The following OXNAD1 variants were observed in gnomAD, a reference collection of about 807,000 sequenced individuals.
OXNAD1 encodes oxidoreductase NAD-binding domain-containing protein 1.
OXNAD1 carries 34 observed loss-of-function variants against 32.9 expected under a neutral mutation model. That is an observed-to-expected ratio of 1.03 (90% CI 0.79 to 1.38). The LOEUF (loss-of-function observed/expected upper bound fraction) is 1.38. OXNAD1 is among the 40% of genes most tolerant of loss of function. OXNAD1 has a pLI of 0.00. For missense variants in OXNAD1, 407 were observed against 379.4 expected, an observed-to-expected ratio of 1.07 and a Z score of -0.60; for synonymous variants, 134 against 135.2, an observed-to-expected ratio of 0.99 and a Z score of 0.06.
downstream of OXNAD1, among the ~76,000 whole-genome samples, chr3:16,308,576 T>A (rs2125117677): frequency 6.6e-6 from 1 of 152,356 alleles, no homozygotes; most frequent in South Asian, 2.1e-4. The surrounding 1 kb of genome is among the most constrained non-coding windows in gnomAD (Gnocchi z 4.4). Flanking sequence ...TCAAAAGAAG[T>A]ATACTGTTCT....
downstream of OXNAD1, among the ~76,000 whole-genome samples, chr3:16,338,976 G>A (rs2071116372): frequency 6.6e-6 from 1 of 152,118 alleles, no homozygotes; most frequent in Admixed American, 6.5e-5. This position sits in a 1 kb window ranked among gnomAD's most constrained non-coding sequence, Gnocchi z 5.3. Context: ...ACCCAGAAGA[G>A]GTCTCTGAAT....
intron 9 of OXNAD1, among the ~76,000 whole-genome samples, chr3:16,332,564 G>A (rs375045993): frequency 1.2e-4 from 19 of 152,020 alleles, no homozygotes; most frequent in African/African-American, 4.3e-4. Context: ...ACCACGCCAC[G>A]TTAGGATTTT....
At chr3:16,285,767 A>G (rs991328084) in intron 4 of OXNAD1, among the ~76,000 whole-genome samples, 1 of 152,260 alleles carries the variant, frequency 6.6e-6, no homozygotes, top group African/African-American at 2.4e-5. Context: ...AAAATTAATT[A>G]AAAACAAAGA....
intron 4 of OXNAD1, among the ~76,000 whole-genome samples, chr3:16,282,045 T>A: frequency 7.4e-6 from 1 of 135,438 alleles, no homozygotes; most frequent in Non-Finnish European, 1.7e-5. Flanking sequence ...TAATTTTTTT[T>A]TTTTTTTTTT....
intron 4 of OXNAD1, among the ~76,000 whole-genome samples, chr3:16,286,015 G>A (rs185029016): frequency 6.6e-6 from 1 of 152,248 alleles, no homozygotes; most frequent in African/African-American, 2.4e-5. Flanking sequence ...AATTCCCTGA[G>A]CTCTTCCCAG....
At position 16,301,755 on chromosome 3, in the gene OXNAD1, C is replaced by T. The variant is rs571163653; in HGVS notation, c.562C>T (p.Leu188=). The T allele has an allele frequency of 6.2e-7, 1 of 1,614,056 alleles. No individual in the cohort carries two copies. The part of the protein sequence containing the change: ...GVGINPLLSI[L]RHAADLLREQ... ...CGGAATTAACCCTCTGCTTTCCATC[C>T]TGCGGCACGCAGCAGATCTCCTCAG... Residue 188 remains leucine (L), a synonymous_variant, in exon 7 of 9, where the codon CTG becomes TTG. Coordinates refer to ENST00000285083, the MANE Select transcript of OXNAD1 (RefSeq NM_138381.5). The surrounding 1 kb of genome is among the most constrained non-coding windows in gnomAD (Gnocchi z 4.1).
chr3:16,307,962 T>C (rs2067686223), downstream of OXNAD1, among the ~76,000 whole-genome samples: 1 of 152,170 alleles, frequency 6.6e-6, no homozygotes, highest in Admixed American at 6.5e-5. Context: ...TGAAAAACCA[T>C]GGAAGAGTAA....
In OXNAD1 at chr3:16,321,294, T is replaced by C. The variant is rs772990213; in HGVS notation, c.*31-15818T>C. On this transcript the variant is annotated intron_variant, in intron 9 of 9. Transcript: ENST00000435829. The surrounding 1 kb of genome is among the most constrained non-coding windows in gnomAD (Gnocchi z 4.8). ...CACAGAGGTGGTGAAGGAGATTTTC[T>C]AAGGAAGAGGCAAGAGTGAAGGGAG... is the stretch of plus-strand genomic sequence containing the variant. Among the ~76,000 whole-genome samples, 1 of 152,124 alleles carries C rather than the reference T, an allele frequency of 6.6e-6. No homozygotes were observed. Among genetic ancestry groups the C allele is most frequent in the Non-Finnish European group, 1.5e-5 (1 of 68,014 alleles).
intron 5 of OXNAD1, among the ~76,000 whole-genome samples, chr3:16,292,260 C>T (rs1321866542): frequency 6.7e-6 from 1 of 149,768 alleles, no homozygotes; most frequent in Non-Finnish European, 1.5e-5. Flanking sequence ...GGCACGATCT[C>T]GATTCAGTGC....
In OXNAD1 at chr3:16,276,220, G is replaced by A. The variant is rs138266793; in HGVS notation, c.183+4498G>A. The A allele has an allele frequency of 1.6e-4, 36 of 231,078 alleles. No homozygotes were observed. In the East Asian group the frequency reaches 3.0e-3, roughly 19 times the overall value. 14.3% of individuals were successfully genotyped at this position (231,078 alleles called of 1,614,324 possible). On this transcript the variant is annotated intron_variant, in intron 4 of 8. Transcript: ENST00000285083. ...CAAGGCAGATGAATCAAGTAATTGC[G>A]TGTTCAGGGAGCACATCTGTGTTAA...
intron 4 of OXNAD1, among the ~76,000 whole-genome samples, chr3:16,281,087 G>T (rs761032086): frequency 6.6e-6 from 1 of 152,178 alleles, no homozygotes; most frequent in African/African-American, 2.4e-5. Context: ...ACAATTACAG[G>T]TCCTAATTAT....
intron 9 of OXNAD1, chr3:16,347,542 TCTCTA>T (rs1166071715): frequency 6.6e-6 from 1 of 152,216 alleles, no homozygotes; most frequent in African/African-American, 2.4e-5. Flanking sequence ...CATTTTCAAC[TCTCTA>T]CTCTGCCTTC....
At position 16,299,731 on chromosome 3, in the gene OXNAD1, C is replaced by T. The variant is rs1271992239; in HGVS notation, c.433-1895C>T. On this transcript the variant is annotated intron_variant, in intron 6 of 8. Transcript: ENST00000285083. The surrounding 1 kb of genome is among the most constrained non-coding windows in gnomAD (Gnocchi z 4.4). ...TCAAAAAGCACGCGATGTGTTATTA[C>T]TTCTTAGGAGGGCATTCATTTAGTT... 6.6e-6 allele frequency among the ~76,000 whole-genome samples: 1 copy of T among 152,220 alleles called. No homozygotes were observed. Among genetic ancestry groups the T allele is most frequent in the Admixed American group, 6.5e-5 (1 of 15,286 alleles).
intron 9 of OXNAD1, among the ~76,000 whole-genome samples, chr3:16,324,837 C>T (rs1326821727): frequency 2.0e-5 from 3 of 151,952 alleles, no homozygotes; most frequent in Non-Finnish European, 2.9e-5. Context: ...TGGATATATA[C>T]CTAGAAGTGG....
intron 6 of OXNAD1, among the ~76,000 whole-genome samples, chr3:16,300,975 C>T (rs572692433): frequency 2.6e-5 from 4 of 152,280 alleles, no homozygotes; most frequent in African/African-American, 7.2e-5. Flanking sequence ...GATGGTATTA[C>T]GGGCATAAGT....
Position 16,277,085 on chromosome 3 carries a change from C to T in OXNAD1, c.183+5363C>T, listed in dbSNP as rs1297627186. ...GATTACAGGCGCCTGCCACCATGCC[C>T]GGCTAACTTTTTTTTGTATTTTTAG... On this transcript the variant is annotated intron_variant, in intron 4 of 8. Coordinates refer to ENST00000285083, the MANE Select transcript of OXNAD1 (RefSeq NM_138381.5). This position sits in a 1 kb window ranked among gnomAD's most constrained non-coding sequence, Gnocchi z 4.3. Among the ~76,000 whole-genome samples the T allele has an allele frequency of 1.3e-5, 2 of 151,904 alleles. No individual in the cohort carries two copies. Among genetic ancestry groups the T allele is most frequent in the Non-Finnish European group, 2.9e-5 (2 of 67,964 alleles).
rs1485495267 is a variant in OXNAD1 at position 16,327,916 on chromosome 3, G to A, written c.*31-9196G>A. ...CGGGTTCCTCACTAACACTCAAAGT[G>A]TAGCCCCCACCCCTGCTCTGTGTGT... On this transcript the variant is annotated intron_variant, in intron 9 of 9. Coordinates refer to the OXNAD1 transcript ENST00000435829. This position sits in a 1 kb window ranked among gnomAD's most constrained non-coding sequence, Gnocchi z 4.2. 6.6e-6 allele frequency among the ~76,000 whole-genome samples: 1 copy of A among 151,772 alleles called. No individual in the cohort carries two copies. Among genetic ancestry groups the A allele is most frequent in the African/African-American group, 2.4e-5 (1 of 41,422 alleles).
At chr3:16,332,646 T>C (rs999307760) in intron 9 of OXNAD1, among the ~76,000 whole-genome samples, 1 of 152,210 alleles carries the variant, frequency 6.6e-6, no homozygotes, top group Non-Finnish European at 1.5e-5. Flanking sequence ...ATTTATGCTT[T>C]GAAAACCAAA....
At chr3:16,339,154 C>T (rs541330035), downstream of OXNAD1, among the ~76,000 whole-genome samples, 3 of 152,338 alleles carry the variant, frequency 2.0e-5, no homozygotes, top group African/African-American at 7.2e-5. Flanking sequence ...CTCTCCCTAA[C>T]TTTCTCTGCC....
Sources: allele counts gnomAD v4.1 joint callset (sites outside exome capture counted in the v4.1 genomes callset), GRCh38; gene constraint gnomAD v4.1.1; non-coding constraint Gnocchi (gnomAD v3.1); transcripts MANE v1.5; gene names NCBI Gene and HGNC (gene_info 2026-07-23, HGNC 2026-07-21).